PDE8B: variants seen among roughly 807,000 people sequenced by gnomAD.
PDE8B encodes the protein phosphodiesterase 8B, also known as high affinity cAMP-specific and IBMX-insensitive 3',5'-cyclic phosphodiesterase 8B.
Under a neutral mutation model 101.3 loss-of-function variants are expected in PDE8B, and 26 were observed. That is an observed-to-expected ratio of 0.26 (90% CI 0.19 to 0.36). The LOEUF (loss-of-function observed/expected upper bound fraction) is 0.36, where lower values mean the gene tolerates loss of function less well. PDE8B is among the 10% of genes least tolerant of loss of function. The pLI is 1.00. For missense variants in PDE8B, 810 were observed against 1,163.1 expected (o/e 0.70, Z 4.42); for synonymous variants, 424 against 429.3 (o/e 0.99, Z 0.15).
Position 77,416,745 on chromosome 5 carries a change from G to A in PDE8B, c.1912-1484G>A, listed in dbSNP as rs1043593904. ...AGTGCAGCCCCTTGGCCATCAGGGT[G>A]CCGTTGCAGGACAGGGCTGAGCTAC... is the stretch of plus-strand genomic sequence containing the variant. On this transcript the variant is annotated intron_variant, in intron 17 of 21. Coordinates refer to ENST00000264917, the MANE Select transcript of PDE8B (RefSeq NM_003719.5). 6.6e-5 allele frequency among the ~76,000 whole-genome samples: 10 copies of A among 152,290 alleles called. No individual in the cohort carries two copies. In the South Asian group the frequency reaches 1.0e-3, roughly 16 times the overall value.
At chr5:77,147,649 C>T in the PDE8B span, 3 of 152,012 alleles carry the variant, frequency 2.0e-5, no homozygotes, top group African/African-American at 7.3e-5. Flanking sequence ...TCCATCTTTC[C>T]AGGAGATTCT....
intron 1 of PDE8B, among the ~76,000 whole-genome samples, chr5:77,299,671 G>A (rs112555113): frequency 0.12 from 18,158 of 151,704 alleles, 1,259 homozygotes; most frequent in East Asian, 0.29. Flanking sequence ...CCAGTCTATC[G>A]TTGTTGGACA....
the PDE8B span, among the ~76,000 whole-genome samples, chr5:77,172,370 T>A: frequency 6.6e-6 from 1 of 152,302 alleles, no homozygotes; most frequent in South Asian, 2.1e-4. Context: ...TGGGACAGGA[T>A]AAGTCAAAGT....
intron 1 of PDE8B, among the ~76,000 whole-genome samples, chr5:77,226,057 A>G (rs1229422923): frequency 6.6e-6 from 1 of 152,220 alleles, no homozygotes; most frequent in Non-Finnish European, 1.5e-5. Context: ...TTATGTGGCT[A>G]TTCTACTAAC....
chr5:77,167,482 A>G, the PDE8B span, among the ~76,000 whole-genome samples: 2 of 152,212 alleles, frequency 1.3e-5, no homozygotes, highest in Non-Finnish European at 2.9e-5. Flanking sequence ...TAGATTGTGT[A>G]TAGAATATGA....
chr5:77,214,149 A>G (rs1375402949), intron 1 of PDE8B, among the ~76,000 whole-genome samples: 1 of 152,208 alleles, frequency 6.6e-6, no homozygotes, highest in African/African-American at 2.4e-5. Context: ...TTGTTCAGAA[A>G]TCCTCAGAGG....
the PDE8B span, chr5:77,148,065 A>G: frequency 6.6e-6 from 1 of 152,204 alleles, no homozygotes; most frequent in African/African-American, 2.4e-5. Context: ...AATGTGTATC[A>G]GTTCCAAAAT....
At chr5:77,170,290 G>C in the PDE8B span, among the ~76,000 whole-genome samples, 1 of 152,164 alleles carries the variant, frequency 6.6e-6, no homozygotes, top group Non-Finnish European at 1.5e-5. Context: ...CTCTGTGCCA[G>C]GTACAATATT....
At chr5:77,283,883 A>G (rs984216337) in intron 1 of PDE8B, among the ~76,000 whole-genome samples, 1 of 152,188 alleles carries the variant, frequency 6.6e-6, no homozygotes, top group Non-Finnish European at 1.5e-5. Flanking sequence ...ATATGGAAAG[A>G]GTATGTTTAG....
chr5:77,136,643 GA>G, the PDE8B span, among the ~76,000 whole-genome samples: 2 of 152,138 alleles, frequency 1.3e-5, no homozygotes, highest in African/African-American at 4.8e-5. Flanking sequence ...TTGTCAATGG[GA>G]GAAACTCAGA....
chr5:77,286,553 G>T (rs897534888), intron 1 of PDE8B, among the ~76,000 whole-genome samples: 9 of 152,168 alleles, frequency 5.9e-5, no homozygotes, highest in Admixed American at 5.2e-4. Context: ...GCCTGCTTTT[G>T]TTCACGCTCC....
At chr5:77,255,229 G>C (rs141510452) in intron 1 of PDE8B, among the ~76,000 whole-genome samples, 292 of 152,252 alleles carry the variant, frequency 1.9e-3, no homozygotes, top group African/African-American at 6.9e-3. Flanking sequence ...TCTGCTGCCT[G>C]ACTCTCTTTT....
the PDE8B span, among the ~76,000 whole-genome samples, chr5:77,117,569 G>A: frequency 3.9e-4 from 60 of 152,216 alleles, no homozygotes; most frequent in African/African-American, 1.3e-3. Context: ...GGAGGAATAC[G>A]GTTAGGAATC....
At chr5:77,092,099 A>G in the PDE8B span, among the ~76,000 whole-genome samples, 1 of 152,232 alleles carries the variant, frequency 6.6e-6, no homozygotes, top group Non-Finnish European at 1.5e-5. Flanking sequence ...TCAAGGCTTG[A>G]AAAAGAGTAG....
the PDE8B span, among the ~76,000 whole-genome samples, chr5:77,174,633 T>C: frequency 6.6e-6 from 1 of 152,188 alleles, no homozygotes; most frequent in East Asian, 1.9e-4. Flanking sequence ...AGCTTCATTC[T>C]CTCTGAGCAG....
intron 1 of PDE8B, among the ~76,000 whole-genome samples, chr5:77,303,620 T>G (rs1336596126): frequency 1.3e-5 from 2 of 152,104 alleles, no homozygotes; most frequent in Admixed American, 6.5e-5. Flanking sequence ...CACAATATAG[T>G]TGAAGCCCCG....
intron 10 of PDE8B, among the ~76,000 whole-genome samples, chr5:77,397,466 C>G (rs1263534236): frequency 1.3e-5 from 2 of 152,130 alleles, no homozygotes; most frequent in East Asian, 3.9e-4. Context: ...TAAGATTCTT[C>G]ATTTGCCAGT....
intron 1 of PDE8B, among the ~76,000 whole-genome samples, chr5:77,280,212 A>G (rs1370074373): frequency 6.6e-6 from 1 of 152,202 alleles, no homozygotes; most frequent in Non-Finnish European, 1.5e-5. Flanking sequence ...TTGGGTGCCA[A>G]CCAGGACACT....
chr5:77,390,677 T>G (rs968981405), intron 10 of PDE8B, among the ~76,000 whole-genome samples: 2 of 152,168 alleles, frequency 1.3e-5, no homozygotes, highest in Non-Finnish European at 2.9e-5. Flanking sequence ...CCCCCAAATT[T>G]CAAGGAAAAC....
Sources: allele counts gnomAD v4.1 joint callset (sites outside exome capture counted in the v4.1 genomes callset), GRCh38; gene constraint gnomAD v4.1.1; transcripts MANE v1.5; gene names NCBI Gene and HGNC (gene_info 2026-07-23, HGNC 2026-07-21).